EFCAB13: variants seen among roughly 807,000 people sequenced by gnomAD.
EFCAB13 encodes the protein EF-hand calcium-binding domain-containing protein 13.
Under a neutral mutation model 110.2 loss-of-function variants are expected in EFCAB13, and 91 were observed. That is an observed-to-expected ratio of 0.83 (90% confidence interval 0.70 to 0.98). The LOEUF is 0.98. Among genes scored for constraint, EFCAB13 ranks in the 50% least tolerant of loss-of-function variants. The pLI, the probability that EFCAB13 is intolerant of heterozygous loss-of-function variation, is 0.00. For missense variants in EFCAB13, 968 were observed against 1,119.4 expected (o/e 0.86, Z 1.93); for synonymous variants, 323 against 369.9 (o/e 0.87, Z 1.45).
At chr17:47,409,806 AT>A in intron 21 of EFCAB13, 115 bp downstream of exon 21, 1 of 785,378 alleles carries the variant, frequency 1.3e-6, no homozygotes, top group Non-Finnish European at 2.2e-6. Context: ...CCAGATTACT[AT>A]TTTTCCACAA....
intron 14 of EFCAB13, among the ~76,000 whole-genome samples, chr17:47,382,069 C>T (rs2065649953): frequency 6.6e-6 from 1 of 152,154 alleles, no homozygotes; most frequent in Non-Finnish European, 1.5e-5. Flanking sequence ...AGAGGTCCTT[C>T]ACATCCCTTG....
At chr17:47,423,614 C>A (rs1014116458) in intron 23 of EFCAB13, 13 of 355,244 alleles carry the variant, frequency 3.7e-5, no homozygotes, top group African/African-American at 1.5e-4. Flanking sequence ...CCGCCGCGCG[C>A]CCCGGTCCAT....
chr17:47,436,200 T>A (rs533336008), intron 24 of EFCAB13, among the ~76,000 whole-genome samples: 1 of 152,338 alleles, frequency 6.6e-6, no homozygotes, highest in South Asian at 2.1e-4. Flanking sequence ...GATTTTAGCA[T>A]CTACATTGAT....
rs140772791 is a variant in EFCAB13, at chr17:47,351,279, C to CTGTGTGTGTGTGTGTGTGTGTGTGTG, written c.661+3329_661+3354dup. Among the ~76,000 whole-genome samples, 268 of 127,978 alleles carry CTGTGTGTGTGTGTGTGTGTGTGTGTG rather than the reference C, an allele frequency of 2.1e-3. 1 individual carries two copies. Among genetic ancestry groups the CTGTGTGTGTGTGTGTGTGTGTGTGTG allele is most frequent in the Non-Finnish European group, 3.4e-3 (209 of 60,948 alleles). The allele number at this position is 127,978 out of a possible 152,430, so 84.0% of individuals were successfully genotyped here. ...TTTTCTGTGGCTGACTAGTATTCCA[C>CTGTGTGTGTGTGTGTGTGTGTGTGTG]TGTGTGTGTGTGTGTGTGTGTGTGT... is the stretch of plus-strand genomic sequence containing the variant. On this transcript the variant is annotated intron_variant, in intron 9 of 24. Transcript: ENST00000331493.
Position 47,412,743 on chromosome 17 carries a change from A to G in EFCAB13, c.2279-30A>G, listed in dbSNP as rs372579878. On this transcript the variant is annotated intron_variant, in intron 21 of 24. Coordinates refer to ENST00000331493, the MANE Select transcript of EFCAB13 (RefSeq NM_152347.5). ...AATTATTTTGAATGTTTTTTACACC[A>G]TAATAGCTTGTGTACATTTATCTTT... is the stretch of plus-strand genomic sequence containing the variant. The G allele has an allele frequency of 4.4e-5, 70 of 1,594,164 alleles. No individual in the cohort carries two copies. The African/African-American group carries it at 7.3e-4, about 17-fold the overall frequency.
rs1252011490 is a variant in EFCAB13, at chr17:47,344,168, C to T, written c.310C>T (p.Pro104Ser). 6.2e-7 allele frequency: 1 copy of T among 1,612,366 alleles called. No individual in the cohort carries two copies. The highest frequency in any genetic ancestry group is 1.3e-5 in the African/African-American group (1 of 74,974). ...QQHSKRTEIIPPFLKLSKEKV... is the reference protein window; with the variant it reads ...QQHSKRTEIISPFLKLSKEKV... Reference sequence around the variant, plus strand: ...TACTTGCATTTGGCTCTAGATTATCCCTCCTTTTCTGAAGCTGTCAAAGGA... The same window carrying T: ...TACTTGCATTTGGCTCTAGATTATCTCTCCTTTTCTGAAGCTGTCAAAGGA... Residue 104 changes from proline to serine, a missense_variant, in exon 7 of 25, where the codon CCT becomes TCT. Physicochemically the swap from Pro to Ser is moderately conservative, Grantham distance 74 (BLOSUM62 -1). Coordinates refer to ENST00000331493, the MANE Select transcript of EFCAB13 (RefSeq NM_152347.5).
At chr17:47,432,167 C>T (rs911272297) in intron 24 of EFCAB13, among the ~76,000 whole-genome samples, 3 of 151,824 alleles carry the variant, frequency 2.0e-5, no homozygotes, top group African/African-American at 4.8e-5. Flanking sequence ...TTTGGGAGGC[C>T]GAGGCAGGTG....
intron 21 of EFCAB13, among the ~76,000 whole-genome samples, chr17:47,412,054 A>G (rs2065838229): frequency 6.6e-6 from 1 of 152,258 alleles, no homozygotes. Context: ...AGATGGCACC[A>G]CTGCACTCCA....
chr17:47,405,576 T>A (rs982123462), intron 20 of EFCAB13, among the ~76,000 whole-genome samples: 1 of 152,102 alleles, frequency 6.6e-6, no homozygotes, highest in African/African-American at 2.4e-5. Context: ...TTTGGTAATT[T>A]GATTCTTCCA....
intron 24 of EFCAB13, among the ~76,000 whole-genome samples, chr17:47,437,638 G>A (rs1050666922): frequency 6.6e-6 from 1 of 152,106 alleles, no homozygotes; most frequent in Non-Finnish European, 1.5e-5. Context: ...TTTACTTTAA[G>A]TTTATTTGAG....
chr17:47,398,197 A>G, intron 17 of EFCAB13, among the ~76,000 whole-genome samples: 2 of 127,202 alleles, frequency 1.6e-5, no homozygotes, highest in Admixed American at 8.1e-5. Flanking sequence ...GGAAGTGAGG[A>G]GCCCCTCTGC....
intron 9 of EFCAB13, among the ~76,000 whole-genome samples, chr17:47,355,336 A>G (rs1474443464): frequency 1.3e-5 from 2 of 152,212 alleles, no homozygotes; most frequent in Non-Finnish European, 2.9e-5. Context: ...GACTTTAGAT[A>G]ACCTGATGAC....
At chr17:47,344,029 AT>A (rs1281255315) in intron 6 of EFCAB13, 132 bp from the exon 7 acceptor site, 3 of 1,068,270 alleles carry the variant, frequency 2.8e-6, no homozygotes, top group African/African-American at 1.6e-5. Context: ...ACAAAAGGCA[AT>A]TTTACACCAG....
intron 10 of EFCAB13, among the ~76,000 whole-genome samples, chr17:47,368,407 G>A (rs543719096): frequency 6.6e-6 from 1 of 152,340 alleles, no homozygotes; most frequent in Non-Finnish European, 1.5e-5. Flanking sequence ...GAAAGGAGCA[G>A]ACTGTGGAGC....
At chr17:47,354,706 A>G (rs1187769190) in intron 9 of EFCAB13, among the ~76,000 whole-genome samples, 1 of 152,088 alleles carries the variant, frequency 6.6e-6, no homozygotes, top group African/African-American at 2.4e-5. Flanking sequence ...TTTGGTGTCC[A>G]TTTGCATGGT....
In EFCAB13 at chr17:47,379,548, T is replaced by G. The variant is rs2065634729; in HGVS notation, c.1582+295T>G. 5.0e-5 allele frequency among the ~76,000 whole-genome samples: 7 copies of G among 140,068 alleles called. No homozygotes were observed. In the South Asian group the frequency reaches 1.6e-3, roughly 32 times the overall value. The allele number at this position is 140,068 out of a possible 152,430, so 91.9% of individuals were successfully genotyped here. A position where few individuals can be genotyped will look rare whatever the true frequency, so the allele number is the denominator to read the frequency against. ...ATTAGCAACATTGATTAGGAATTGATGGGTGATATGGTTTGTTTTTTTTTT... is the reference window on the plus strand; with the variant it reads ...ATTAGCAACATTGATTAGGAATTGAGGGGTGATATGGTTTGTTTTTTTTTT... On this transcript the variant is annotated intron_variant, in intron 14 of 24. Coordinates refer to ENST00000331493, the MANE Select transcript of EFCAB13 (RefSeq NM_152347.5).
At position 47,325,030 on chromosome 17, in the gene EFCAB13, CT is replaced by C. The variant is rs1555575633; in HGVS notation, c.-248+519del. 6.3e-4 allele frequency among the ~76,000 whole-genome samples: 74 copies of C among 116,724 alleles called. 4 individuals carry two copies. Among genetic ancestry groups the C allele is most frequent in the Non-Finnish European group, 9.3e-4 (50 of 53,522 alleles). 76.6% of individuals were successfully genotyped at this position (116,724 alleles called of 152,430 possible). On this transcript the variant is annotated intron_variant, in intron 2 of 24. Coordinates refer to ENST00000331493, the MANE Select transcript of EFCAB13 (RefSeq NM_152347.5). ...GATCTTAACCGCCCACCCCACCCCC[CT>C]TTTTTTTTTTTGAGACAAGGTCTCT...
intron 23 of EFCAB13, among the ~76,000 whole-genome samples, chr17:47,417,514 A>G (rs1174675244): frequency 1.3e-5 from 2 of 152,194 alleles, no homozygotes; most frequent in East Asian, 1.9e-4. Flanking sequence ...TCTAATGTCA[A>G]TATGTTTCCT....
chr17:47,349,575 T>C (rs2065436610), intron 9 of EFCAB13, among the ~76,000 whole-genome samples: 1 of 152,150 alleles, frequency 6.6e-6, no homozygotes, highest in Non-Finnish European at 1.5e-5. Context: ...GTATAGATAA[T>C]AGTATTCTAA....
Sources: gnomAD v4.1 joint callset for allele counts (sites outside exome capture counted in the v4.1 genomes callset) on GRCh38, gnomAD v4.1.1 for gene constraint, MANE v1.5 for transcripts, NCBI Gene and HGNC (gene_info 2026-07-23, HGNC 2026-07-21) for gene names.